DYNC2H1: variants seen among roughly 807,000 people sequenced by gnomAD.
The protein encoded by DYNC2H1 is dynein cytoplasmic 2 heavy chain 1.
In DYNC2H1, 410 loss-of-function variants were observed where a neutral mutation model predicts 570.0. The ratio of observed to expected loss-of-function variants is 0.72; its 90% CI spans 0.66 to 0.78. DYNC2H1 has a LOEUF of 0.78. Ranked by LOEUF, DYNC2H1 falls within the 30% of genes least tolerant of loss-of-function variation. The pLI, the probability that DYNC2H1 is intolerant of heterozygous loss-of-function variation, is 0.00. For synonymous variants in DYNC2H1, 1,688 were observed against 1,677.6 expected (o/e 1.01, Z -0.15); for missense variants, 4,865 against 5,046.4 (o/e 0.96, Z 1.09).
At position 103,157,141 on chromosome 11, in the gene DYNC2H1, C is replaced by T. The variant is rs1005660112; in HGVS notation, c.4127+371C>T. Among the ~76,000 whole-genome samples, 2 of 152,064 alleles carry T rather than the reference C, an allele frequency of 1.3e-5. No individual in the cohort carries two copies. Among genetic ancestry groups the T allele is most frequent in the African/African-American group, 2.4e-5 (1 of 41,396 alleles). On this transcript the variant is annotated intron_variant, in intron 26 of 88. Coordinates refer to ENST00000375735, the MANE Select transcript of DYNC2H1 (RefSeq NM_001377.3). The surrounding 1 kb of genome is among the most constrained non-coding windows in gnomAD (Gnocchi z 4.2). Reference sequence around the variant, plus strand: ...TCTCTTCCATTGGCTTCTGTGATTTCGTCCTCTCTTGGTTTTCTGACTGTC... The same window carrying T: ...TCTCTTCCATTGGCTTCTGTGATTTTGTCCTCTCTTGGTTTTCTGACTGTC...
rs1422946245 is a variant in DYNC2H1, at chr11:103,145,505, T to G, written c.2702+2110T>G. On this transcript the variant is annotated intron_variant, in intron 18 of 88. Coordinates refer to ENST00000375735, the MANE Select transcript of DYNC2H1 (RefSeq NM_001377.3). This position sits in a 1 kb window ranked among gnomAD's most constrained non-coding sequence, Gnocchi z 4.2. ...AGAACCTCTACTGCTTCCTCTACTA[T>G]TTTTTTGTCCCTTACTATAGATAGC... is the stretch of plus-strand genomic sequence containing the variant. Among the ~76,000 whole-genome samples the G allele has an allele frequency of 6.6e-6, 1 of 152,118 alleles. No individual in the cohort carries two copies. The highest frequency in any genetic ancestry group is 2.4e-5 in the African/African-American group (1 of 41,428).
intron 12 of DYNC2H1, 22 bp downstream of exon 12, chr11:103,125,317 A>G (rs1565320028): frequency 1.3e-6 from 2 of 1,546,476 alleles, no homozygotes; most frequent in Non-Finnish European, 1.8e-6. Context: ...CATTTTTTGA[A>G]TACCTGCCTA....
chr11:103,432,588 G>A (rs1313822388), intron 84 of DYNC2H1, among the ~76,000 whole-genome samples: 5 of 151,892 alleles, frequency 3.3e-5, no homozygotes, highest in South Asian at 2.1e-4. Context: ...AAAATCACTC[G>A]AATTTGCTTT....
Position 103,241,376 on chromosome 11 carries a change from A to G in DYNC2H1, c.9820-2317A>G. The G allele has an allele frequency of 1.6e-6, 1 of 634,882 alleles. No individual in the cohort carries two copies. Among genetic ancestry groups the G allele is most frequent in the Non-Finnish European group, 2.7e-6 (1 of 366,400 alleles). 39.3% of individuals were successfully genotyped at this position (634,882 alleles called of 1,614,324 possible). A position where few individuals can be genotyped will look rare whatever the true frequency, so the allele number is the denominator to read the frequency against. ...TTTAATCATGGAATACAGAGATAAA[A>G]TGTACCATAGAAATCTTATCTAAAT... On this transcript the variant is annotated intron_variant, in intron 63 of 88. Transcript: ENST00000375735. This position sits in a 1 kb window ranked among gnomAD's most constrained non-coding sequence, Gnocchi z 5.1.
chr11:103,455,588 A>G (rs911861922), intron 86 of DYNC2H1, among the ~76,000 whole-genome samples: 7 of 152,196 alleles, frequency 4.6e-5, no homozygotes, highest in Non-Finnish European at 4.4e-5. Flanking sequence ...AGTCACATGG[A>G]CCTATGTAAA....
intron 70 of DYNC2H1, among the ~76,000 whole-genome samples, chr11:103,260,625 T>G (rs1251805065): frequency 6.6e-6 from 1 of 151,492 alleles, no homozygotes. Flanking sequence ...TAGAATTTTT[T>G]TTTTTTTTTT....
At chr11:103,393,837 T>C (rs1236120849) in intron 83 of DYNC2H1, among the ~76,000 whole-genome samples, 2 of 152,302 alleles carry the variant, frequency 1.3e-5, no homozygotes, top group East Asian at 3.9e-4. Context: ...AAGTCACTTC[T>C]TATGTGGATG....
At chr11:103,402,882 A>G (rs2135658728) in intron 84 of DYNC2H1, 1 of 152,182 alleles carries the variant, frequency 6.6e-6, no homozygotes, top group Non-Finnish European at 1.5e-5. Flanking sequence ...CTTGTGGTAA[A>G]AAAGTGGGCT....
rs1313327940 is a variant in DYNC2H1, at chr11:103,241,266, A to G, written c.9820-2427A>G. 6.6e-6 allele frequency among the ~76,000 whole-genome samples: 1 copy of G among 152,192 alleles called. No homozygotes were observed. The highest frequency in any genetic ancestry group is 1.5e-5 in the Non-Finnish European group (1 of 68,030). ...TCTTACTATAGTTGTTATCCAACAT[A>G]TAGTAGATGAAGTAACGAACAAATG... On this transcript the variant is annotated intron_variant, in intron 63 of 88. Transcript: ENST00000375735. This position sits in a 1 kb window ranked among gnomAD's most constrained non-coding sequence, Gnocchi z 5.1.
intron 73 of DYNC2H1, among the ~76,000 whole-genome samples, 195 bp downstream of exon 73, chr11:103,283,280 T>C (rs1052031950): frequency 3.9e-5 from 6 of 152,018 alleles, no homozygotes; most frequent in African/African-American, 1.4e-4. Context: ...ATTTATGAAA[T>C]AGCATGCCTT....
In DYNC2H1 at chr11:103,268,638, G is replaced by A. The variant is rs1865593686; in HGVS notation, c.10695+8661G>A. Among the ~76,000 whole-genome samples, 1 of 151,864 alleles carries A rather than the reference G, an allele frequency of 6.6e-6. No individual in the cohort carries two copies. The highest frequency in any genetic ancestry group is 2.1e-4 in the South Asian group (1 of 4,818). On this transcript the variant is annotated intron_variant, in intron 70 of 88. Transcript: ENST00000375735. The surrounding 1 kb of genome is among the most constrained non-coding windows in gnomAD (Gnocchi z 4.6). ...TTCTAAGACCTTTACACTGAAATGGGCTGTGATTTATGAAAATGTTATGGA... is the reference window on the plus strand; with the variant it reads ...TTCTAAGACCTTTACACTGAAATGGACTGTGATTTATGAAAATGTTATGGA...
In DYNC2H1 at chr11:103,155,317, T is replaced by C. The variant is rs1591328952; in HGVS notation, c.3574-14T>C. 1.3e-6 allele frequency: 2 copies of C among 1,586,740 alleles called. No individual in the cohort carries two copies. Among genetic ancestry groups the C allele is most frequent in the Non-Finnish European group, 8.5e-7 (1 of 1,171,584 alleles). On this transcript the variant is annotated splice_polypyrimidine_tract_variant and intron_variant, in intron 24 of 88. Transcript: ENST00000375735. ...TGTATACATATGACTTTTTCTTTTT[T>C]TTTTTTGTAACAGATCGTAATTCCT... is the stretch of plus-strand genomic sequence containing the variant.
chr11:103,399,081 A>G (rs368678505), intron 83 of DYNC2H1, among the ~76,000 whole-genome samples: 12 of 148,196 alleles, frequency 8.1e-5, no homozygotes, highest in East Asian at 7.9e-4. Flanking sequence ...TTTTCTTACC[A>G]TACTATTACT....
In DYNC2H1 at chr11:103,181,749, T is replaced by G. The variant is rs768224284; in HGVS notation, c.6348-8T>G. On this transcript the variant is annotated splice_polypyrimidine_tract_variant and splice_region_variant and intron_variant, in intron 39 of 88. Coordinates refer to ENST00000375735, the MANE Select transcript of DYNC2H1 (RefSeq NM_001377.3). This position sits in a 1 kb window ranked among gnomAD's most constrained non-coding sequence, Gnocchi z 5.0. ...TAAGTAATTTTTTATTTGTCTAAAC[T>G]GTTTCAGTGATGAAGAGACAGATCT... 2.6e-6 allele frequency: 4 copies of G among 1,547,406 alleles called. No homozygotes were observed. The highest frequency in any genetic ancestry group is 1.4e-5 in the African/African-American group (1 of 72,802).
intron 54 of DYNC2H1, among the ~76,000 whole-genome samples, chr11:103,213,425 T>C (rs1047356349): frequency 2.0e-5 from 3 of 152,190 alleles, no homozygotes; most frequent in African/African-American, 7.2e-5. Context: ...CTATCAAATA[T>C]GTATTTATCT....
At chr11:103,355,160 TTGA>T (rs1940276087) in intron 82 of DYNC2H1, among the ~76,000 whole-genome samples, 1 of 152,184 alleles carries the variant, frequency 6.6e-6, no homozygotes, top group Non-Finnish European at 1.5e-5. Context: ...AAGTCATTAG[TTGA>T]TGATGTTCTT....
Position 103,170,891 on chromosome 11 carries a change from C to T in DYNC2H1, c.5157C>T (p.Ile1719=), listed in dbSNP as rs757223164. Residue 1719 remains isoleucine (I), a synonymous_variant, in exon 34 of 89, where the codon ATC becomes ATT. Coordinates refer to ENST00000375735, the MANE Select transcript of DYNC2H1 (RefSeq NM_001377.3). The surrounding 1 kb of genome is among the most constrained non-coding windows in gnomAD (Gnocchi z 4.8). ...QVLVFNCDEG[I]DVKSMGRIFV... is the part of the protein sequence containing the mutation. ...TTTTTATTGTTGTTTTTAAGGGCAT[C>T]GATGTGAAGTCAATGGGACGAATAT... 1.1e-5 allele frequency: 17 copies of T among 1,490,168 alleles called. No individual in the cohort carries two copies. Among genetic ancestry groups the T allele is most frequent in the Admixed American group, 1.0e-4 (5 of 49,848 alleles). 92.3% of individuals were successfully genotyped at this position (1,490,168 alleles called of 1,614,324 possible).
chr11:103,206,826 G>A (rs72971511), intron 52 of DYNC2H1, among the ~76,000 whole-genome samples: 4,656 of 152,182 alleles, frequency 0.031, 105 homozygotes, highest in Non-Finnish European at 0.043. Flanking sequence ...AGAATGAGAA[G>A]ATTGGAGACA....
At chr11:103,154,375 TA>T in intron 22 of DYNC2H1, 75 bp from the exon 23 acceptor site, 1 of 1,308,798 alleles carries the variant, frequency 7.6e-7, no homozygotes, top group African/African-American at 1.5e-5. Context: ...GGATTGCAGT[TA>T]AGTAACTTAA....
Sources: gnomAD v4.1 joint callset for allele counts (sites outside exome capture counted in the v4.1 genomes callset) on GRCh38, gnomAD v4.1.1 for gene constraint, Gnocchi (gnomAD v3.1) non-coding constraint, MANE v1.5 for transcripts, NCBI Gene and HGNC (gene_info 2026-07-23, HGNC 2026-07-21) for gene names.